The following DNAH6 variants were observed in gnomAD, a reference collection of about 807,000 sequenced individuals.
The protein encoded by DNAH6 is dynein axonemal heavy chain 6, also known as axonemal beta dynein heavy chain 6.
DNAH6 carries 340 observed loss-of-function variants against 491.4 expected under a neutral mutation model. The observed-to-expected ratio is 0.69, with a 90% CI of 0.63 to 0.76. The LOEUF is 0.76. Among genes scored for constraint, DNAH6 ranks in the 30% least tolerant of loss-of-function variants. DNAH6 has a pLI of 0.00. For synonymous variants in DNAH6, 1,603 were observed against 1,686.1 expected (o/e 0.95, Z 1.21); for missense variants, 4,443 against 4,972.2 (o/e 0.89, Z 3.20).
chr2:84,510,255 T>C, the DNAH6 span, among the ~76,000 whole-genome samples: 2 of 152,354 alleles, frequency 1.3e-5, no homozygotes, highest in African/African-American at 4.8e-5. Context: ...CCCATATTTC[T>C]TGGAGGCTTT....
chr2:84,727,267 T>C (rs1022608793), intron 60 of DNAH6, among the ~76,000 whole-genome samples: 18 of 152,038 alleles, frequency 1.2e-4, no homozygotes, highest in African/African-American at 4.1e-4. Context: ...TTCTTAAAAA[T>C]AGGAGAGAAA....
chr2:84,577,425 A>G lies in DNAH6; in HGVS notation c.2076+17A>G. 2 of 1,524,518 alleles carry G rather than the reference A, an allele frequency of 1.3e-6. No individual in the cohort carries two copies. The highest frequency in any genetic ancestry group is 1.8e-6 in the Non-Finnish European group (2 of 1,129,362). 94.4% of individuals were successfully genotyped at this position (1,524,518 alleles called of 1,614,324 possible). A position where few individuals can be genotyped will look rare whatever the true frequency, so the allele number is the denominator to read the frequency against. On this transcript the variant is annotated intron_variant, in intron 13 of 76. Transcript: ENST00000389394. ...TGCTTAGAGGTAACTATAAACTAGAAAAAAAAATAATTATTCCTCTACAAT... is the reference window on the plus strand; with the variant it reads ...TGCTTAGAGGTAACTATAAACTAGAGAAAAAAATAATTATTCCTCTACAAT...
chr2:84,543,438 A>G (rs1160122683), intron 4 of DNAH6, among the ~76,000 whole-genome samples: 2 of 152,174 alleles, frequency 1.3e-5, no homozygotes, highest in African/African-American at 2.4e-5. Context: ...AAATTCCTAA[A>G]TATATTTCAA....
intron 68 of DNAH6, among the ~76,000 whole-genome samples, chr2:84,792,720 A>G (rs1035103931): frequency 2.6e-5 from 4 of 152,230 alleles, no homozygotes; most frequent in Admixed American, 6.5e-5. Flanking sequence ...TCTTGCTAAT[A>G]AATTTTGCTC....
At chr2:84,753,479 C>T (rs113620867) in intron 63 of DNAH6, among the ~76,000 whole-genome samples, 9 of 152,000 alleles carry the variant, frequency 5.9e-5, no homozygotes, top group African/African-American at 1.7e-4. Flanking sequence ...TAAATATTTA[C>T]ACCTATGTTT....
chr2:84,718,202 A>G lies in DNAH6; in HGVS notation c.9612-2A>G. 1.3e-6 allele frequency: 2 copies of G among 1,512,728 alleles called. No individual in the cohort carries two copies. The highest frequency in any genetic ancestry group is 1.8e-6 in the Non-Finnish European group (2 of 1,131,356). 93.7% of individuals were successfully genotyped at this position (1,512,728 alleles called of 1,614,324 possible). On this transcript the variant is annotated splice_acceptor_variant, in intron 58 of 76. Coordinates refer to ENST00000389394, the MANE Select transcript of DNAH6 (RefSeq NM_001370.2). LOFTEE classifies it high-confidence loss of function. ...ATTTAGATATCTGAACTTTGGTTTT[A>G]GTGATGTGGTGCGACTTGAAAAACC...
chr2:84,575,056 C>CCTGGACTCCTA (rs920130823), intron 12 of DNAH6, among the ~76,000 whole-genome samples: 1 of 152,108 alleles, frequency 6.6e-6, no homozygotes, highest in African/African-American at 2.4e-5. Flanking sequence ...AGTACCTTGG[C>CCTGGACTCCTA]CTGGACTCCT....
the DNAH6 span, among the ~76,000 whole-genome samples, chr2:84,473,062 A>G: frequency 6.6e-6 from 1 of 152,178 alleles, no homozygotes; most frequent in South Asian, 2.1e-4. Flanking sequence ...AGGCTTTTCC[A>G]TTACTAGATC....
chr2:84,604,064 A>C (rs891359888), intron 18 of DNAH6, among the ~76,000 whole-genome samples: 6 of 152,154 alleles, frequency 3.9e-5, no homozygotes, highest in Non-Finnish European at 8.8e-5. Context: ...AATCTGCCCC[A>C]GGTAGGAAAA....
At chr2:84,777,658 A>G (rs1392755467) in intron 64 of DNAH6, 8 of 813,314 alleles carry the variant, frequency 9.8e-6, no homozygotes, top group Non-Finnish European at 1.8e-5. Flanking sequence ...ATACAGGCAC[A>G]CTGGAATCTC....
chr2:84,669,336 C>T lies in DNAH6; in HGVS notation c.6132C>T (p.Thr2044=), dbSNP rs1177819356. The T allele has an allele frequency of 1.3e-6, 2 of 1,549,840 alleles. No homozygotes were observed. Among genetic ancestry groups the T allele is most frequent in the Non-Finnish European group, 1.7e-6 (2 of 1,145,308 alleles). ...GGAGCATTCATATGGACTTTGACACCAAACGGCTGGATCCCTGGGAACGAA... is the reference window on the plus strand; with the variant it reads ...GGAGCATTCATATGGACTTTGACACTAAACGGCTGGATCCCTGGGAACGAA... ...DLWSIHMDFD[T]KRLDPWERII... is the part of the protein sequence containing the mutation. The change falls in exon 38 of 77, where the codon ACC becomes ACT. Residue 2044 remains threonine, a synonymous_variant. Coordinates refer to ENST00000389394, the MANE Select transcript of DNAH6 (RefSeq NM_001370.2).
At chr2:84,644,785 G>A (rs529608240) in intron 33 of DNAH6, among the ~76,000 whole-genome samples, 13 of 152,240 alleles carry the variant, frequency 8.5e-5, no homozygotes, top group African/African-American at 3.1e-4. Context: ...TCCTTTTTAT[G>A]GCTGTGTATT....
intron 29 of DNAH6, among the ~76,000 whole-genome samples, 170 bp from the exon 30 acceptor site, chr2:84,634,334 T>C (rs896543396): frequency 1.3e-5 from 2 of 152,214 alleles, no homozygotes; most frequent in African/African-American, 4.8e-5. Flanking sequence ...CAAAAACATA[T>C]TTCCTCTTGT....
chr2:84,474,607 G>A, the DNAH6 span, among the ~76,000 whole-genome samples: 1 of 152,080 alleles, frequency 6.6e-6, no homozygotes, highest in Non-Finnish European at 1.5e-5. Flanking sequence ...AGATATTTCA[G>A]CATCCCATTG....
chr2:84,617,802 C>T (rs949388673), intron 23 of DNAH6, among the ~76,000 whole-genome samples: 6 of 152,058 alleles, frequency 3.9e-5, no homozygotes, highest in African/African-American at 1.4e-4. Context: ...ATGTTAAGCT[C>T]TCCAAGATGC....
At chr2:84,701,979 A>T (rs1177851303) in intron 49 of DNAH6, among the ~76,000 whole-genome samples, 1 of 152,194 alleles carries the variant, frequency 6.6e-6, no homozygotes, top group Non-Finnish European at 1.5e-5. Flanking sequence ...TCTGCCATTT[A>T]TGCAAGTATC....
intron 24 of DNAH6, 22 bp from the exon 25 acceptor site, chr2:84,621,169 C>G: frequency 6.4e-7 from 1 of 1,550,408 alleles, no homozygotes; most frequent in Non-Finnish European, 8.7e-7. Flanking sequence ...GCCACTTTAT[C>G]AATGCTCTGA....
intron 62 of DNAH6, among the ~76,000 whole-genome samples, chr2:84,740,691 C>A (rs1034511668): frequency 6.6e-6 from 1 of 152,176 alleles, no homozygotes; most frequent in Non-Finnish European, 1.5e-5. Flanking sequence ...TGTTCCCCAA[C>A]TGACCAAGGA....
rs1388725677 is a variant in DNAH6, at chr2:84,722,710, C to T, written c.9878C>T (p.Pro3293Leu). ...MINVAREKYR[P>L]VATQGSVMYF... ...AATGTGGCTCGTGAGAAGTATCGTC[C>T]AGTGGCCACTCAAGGCTCTGTAATG... Residue 3293 changes from proline to leucine, a missense_variant, in exon 60 of 77, where the codon CCA becomes CTA. By Grantham distance (98) the Pro-to-Leu change is moderately conservative (BLOSUM62 -3). This residue lies in a region of DNAH6 where 1,463 missense variants were observed against 1,656.6 expected (regional missense o/e 0.88). Transcript: ENST00000389394. The T allele has an allele frequency of 6.5e-7, 1 of 1,549,200 alleles. No individual in the cohort carries two copies. Among genetic ancestry groups the T allele is most frequent in the East Asian group, 2.4e-5 (1 of 40,894 alleles).
Sources: allele counts gnomAD v4.1 joint callset (sites outside exome capture counted in the v4.1 genomes callset), GRCh38; gene constraint gnomAD v4.1.1; regional missense constraint gnomAD v4.1.1; transcripts MANE v1.5; gene names NCBI Gene and HGNC (gene_info 2026-07-23, HGNC 2026-07-21).